Variants in PFKFB3 observed in about 807,000 individuals in gnomAD.
The protein encoded by PFKFB3 is 6-phosphofructo-2-kinase/fructose-2,6-bisphosphatase 3.
In PFKFB3, 33 loss-of-function variants were observed where a neutral mutation model predicts 68.0. The ratio of observed to expected loss-of-function variants is 0.49; its 90% CI spans 0.37 to 0.65. The LOEUF (loss-of-function observed/expected upper bound fraction) is 0.65. PFKFB3 is among the 30% of genes least tolerant of loss of function. The pLI is 0.00. For missense variants in PFKFB3, 586 were observed against 712.2 expected (o/e 0.82, Z 2.02); for synonymous variants, 315 against 288.2 (o/e 1.09, Z -0.94).
Position 6,226,251 on chromosome 10 carries a change from C to T in PFKFB3, c.1401C>T (p.Ser467=). 1 of 1,614,144 alleles carries T rather than the reference C, an allele frequency of 6.2e-7. No homozygotes were observed. Among genetic ancestry groups the T allele is most frequent in the Non-Finnish European group, 8.5e-7 (1 of 1,179,992 alleles). ...GCAATAGTGTCACCCCGCTAGCCAG[C>T]CCCGAACCCACCAAAAAGCCTCGCA... ...MRRNSVTPLA[S]PEPTKKPRIN... is the part of the protein sequence containing the mutation. The change falls in exon 14 of 15, where the codon AGC becomes AGT. Residue 467 remains serine (S), a synonymous_variant. Coordinates refer to ENST00000379775, the MANE Select transcript of PFKFB3 (RefSeq NM_004566.4).
the PFKFB3 span, among the ~76,000 whole-genome samples, chr10:6,307,099 G>A: frequency 0.036 from 5,413 of 152,228 alleles, 135 homozygotes; most frequent in Middle Eastern, 0.15. Flanking sequence ...CTGAGCAAGA[G>A]GGAATCCTCC....
intron 1 of PFKFB3, among the ~76,000 whole-genome samples, chr10:6,183,708 G>C (rs527313846): frequency 2.6e-3 from 378 of 143,868 alleles, no homozygotes; most frequent in African/African-American, 7.0e-3. Flanking sequence ...TTTTTTTTGA[G>C]ACAGAGTCTC....
intron 1 of PFKFB3, among the ~76,000 whole-genome samples, chr10:6,177,798 C>T (rs886386705): frequency 1.3e-5 from 2 of 152,140 alleles, no homozygotes; most frequent in East Asian, 1.9e-4. Context: ...TTTGGGATTA[C>T]AGGTGTGTGC....
At chr10:6,202,155 A>G (rs1843384483), upstream of PFKFB3, among the ~76,000 whole-genome samples, 1 of 152,244 alleles carries the variant, frequency 6.6e-6, no homozygotes, top group Non-Finnish European at 1.5e-5. Flanking sequence ...TGAAAACCAG[A>G]TGCCAGCTGC....
chr10:6,221,859 AC>A, intron 10 of PFKFB3, 114 bp downstream of exon 10: 1 of 676,394 alleles, frequency 1.5e-6, no homozygotes, highest in Non-Finnish European at 2.5e-6. Context: ...GGGCTCCTAC[AC>A]CCTCCACCTT....
the PFKFB3 span, among the ~76,000 whole-genome samples, chr10:6,273,850 A>G: frequency 2.6e-5 from 4 of 152,204 alleles, no homozygotes; most frequent in Non-Finnish European, 5.9e-5. Flanking sequence ...GCAGCCTCAA[A>G]GGACCCAGTC....
intron 14 of PFKFB3, among the ~76,000 whole-genome samples, chr10:6,248,869 A>G (rs1160140812): frequency 6.6e-6 from 1 of 152,070 alleles, no homozygotes; most frequent in African/African-American, 2.4e-5. Context: ...GTTGGTGAGG[A>G]TGTGGAGAAA....
chr10:6,210,615 A>G lies in PFKFB3; in HGVS notation c.77-3008A>G, dbSNP rs1430967767. 1.3e-3 allele frequency among the ~76,000 whole-genome samples: 20 copies of G among 15,700 alleles called. 1 individual carries two copies. Among genetic ancestry groups the G allele is most frequent in the African/African-American group, 2.1e-3 (15 of 7,068 alleles). The allele number at this position is 15,700 out of a possible 152,430, so 10.3% of individuals were successfully genotyped here. A position where few individuals can be genotyped will look rare whatever the true frequency, so the allele number is the denominator to read the frequency against. ...TTAATAGACGGGGTTTCGCCATGTT[A>G]GCCAGGATAGTCTTGATAGTGTTTT... On this transcript the variant is annotated intron_variant, in intron 1 of 14. Transcript: ENST00000379775.
chr10:6,206,559 G>C (rs1188162683), intron 1 of PFKFB3, among the ~76,000 whole-genome samples: 1 of 64,372 alleles, frequency 1.6e-5, no homozygotes, highest in African/African-American at 6.1e-5. Flanking sequence ...CCTCCCGGAC[G>C]GGGCGGCTGG....
chr10:6,197,228 C>T (rs1262349673), intron 1 of PFKFB3, among the ~76,000 whole-genome samples: 1 of 152,152 alleles, frequency 6.6e-6, no homozygotes, highest in African/African-American at 2.4e-5. Context: ...CCACCCACCT[C>T]GGCTTCTCAA....
chr10:6,186,176 A>C (rs1842864758), intron 1 of PFKFB3, among the ~76,000 whole-genome samples: 1 of 152,184 alleles, frequency 6.6e-6, no homozygotes, highest in African/African-American at 2.4e-5. Flanking sequence ...CTAATTAGAA[A>C]GTTTGTATTA....
intron 1 of PFKFB3, among the ~76,000 whole-genome samples, chr10:6,146,042 G>T (rs1020532161): frequency 6.6e-6 from 1 of 152,188 alleles, no homozygotes; most frequent in African/African-American, 2.4e-5. Context: ...GTCTGTTTGG[G>T]TTGGGAGGGG....
At chr10:6,240,671 C>T (rs1447771617) in intron 14 of PFKFB3, among the ~76,000 whole-genome samples, 1 of 152,106 alleles carries the variant, frequency 6.6e-6, no homozygotes, top group Non-Finnish European at 1.5e-5. Context: ...AACATGGTAC[C>T]CTTGTCAAAA....
At chr10:6,293,921 G>A in the PFKFB3 span, 321 of 479,162 alleles carry the variant, frequency 6.7e-4, 1 homozygote, top group Admixed American at 3.0e-3. Flanking sequence ...TTAAGCCAGA[G>A]TTCAATTTTT....
chr10:6,302,446 A>G, the PFKFB3 span, among the ~76,000 whole-genome samples: 7 of 124,692 alleles, frequency 5.6e-5, no homozygotes, highest in African/African-American at 2.3e-4. Flanking sequence ...CAGTGGTGCA[A>G]CCTTGGCTCA....
the PFKFB3 span, among the ~76,000 whole-genome samples, chr10:6,324,820 G>GA: frequency 0.014 from 1,946 of 143,150 alleles, 15 homozygotes; most frequent in Non-Finnish European, 0.015. Context: ...CAATTTAAAG[G>GA]AAAAAAAAAA....
intron 13 of PFKFB3, chr10:6,224,460 T>C (rs1056705785): frequency 6.2e-5 from 37 of 597,960 alleles, no homozygotes; most frequent in Non-Finnish European, 9.7e-5. Context: ...GAGATATGAA[T>C]ATTAGTGAGG....
chr10:6,175,558 C>T (rs1842438925), intron 1 of PFKFB3, among the ~76,000 whole-genome samples: 1 of 152,332 alleles, frequency 6.6e-6, no homozygotes, highest in South Asian at 2.1e-4. Flanking sequence ...ACCTGGCTGG[C>T]TGGCTCCAGG....
chr10:6,221,785 C>A, intron 10 of PFKFB3, 40 bp downstream of exon 10: 1 of 1,362,186 alleles, frequency 7.3e-7, no homozygotes, highest in Non-Finnish European at 1.0e-6. Context: ...CCCCAGCACA[C>A]ATGACCACTG....
Sources: gnomAD v4.1 joint callset for allele counts (sites outside exome capture counted in the v4.1 genomes callset) on GRCh38, gnomAD v4.1.1 for gene constraint, MANE v1.5 for transcripts, NCBI Gene and HGNC (gene_info 2026-07-23, HGNC 2026-07-21) for gene names.